Variants in NELL1 observed in about 807,000 individuals in gnomAD.
NELL1 encodes protein kinase C-binding protein NELL1.
In NELL1, 76 loss-of-function variants were observed where a neutral mutation model predicts 107.4. The observed-to-expected ratio is 0.71, with a 90% confidence interval of 0.59 to 0.86. The LOEUF (loss-of-function observed/expected upper bound fraction) is 0.86. Ranked by LOEUF, NELL1 falls within the 40% of genes least tolerant of loss-of-function variation. The probability of loss-of-function intolerance (pLI) is 0.00; values close to 1 mark genes in which losing one functional copy is unlikely to be tolerated. For synonymous variants in NELL1, 353 were observed against 341.2 expected (o/e 1.03, Z -0.38); for missense variants, 1,024 against 1,005.5 (o/e 1.02, Z -0.25).
chr11:21,109,477 C>CTCTTCT (rs1222395621), intron 12 of NELL1, among the ~76,000 whole-genome samples: 1 of 152,078 alleles, frequency 6.6e-6, no homozygotes, highest in Non-Finnish European at 1.5e-5. Context: ...CAGGCTTAGC[C>CTCTTCT]TCTTCTTGTC....
At chr11:21,273,505 C>G (rs1242945416) in intron 14 of NELL1, among the ~76,000 whole-genome samples, 2 of 152,124 alleles carry the variant, frequency 1.3e-5, no homozygotes, top group East Asian at 1.9e-4. Flanking sequence ...GAGAACTTCC[C>G]CAATCTAGCA....
At chr11:21,462,668 C>G (rs533954186) in intron 15 of NELL1, among the ~76,000 whole-genome samples, 3 of 152,122 alleles carry the variant, frequency 2.0e-5, no homozygotes, top group Admixed American at 2.0e-4. Flanking sequence ...TCTCTTTGAA[C>G]CCTTGTTCAT....
chr11:21,504,465 CTACT>C (rs1855230528), intron 15 of NELL1, among the ~76,000 whole-genome samples: 1 of 152,140 alleles, frequency 6.6e-6, no homozygotes. Context: ...TTACTCCCCT[CTACT>C]CACACAGCTT....
chr11:21,445,356 C>T (rs930670134), intron 15 of NELL1, among the ~76,000 whole-genome samples: 3 of 135,944 alleles, frequency 2.2e-5, no homozygotes, highest in African/African-American at 2.5e-5. Flanking sequence ...GATGGAATTT[C>T]GCTCTTGCTG....
chr11:20,775,464 T>C (rs1856732519), intron 2 of NELL1, among the ~76,000 whole-genome samples: 1 of 111,696 alleles, frequency 9.0e-6, no homozygotes, highest in South Asian at 3.7e-4. Context: ...TTAATCGTAT[T>C]ATAAAAATCT....
intron 4 of NELL1, among the ~76,000 whole-genome samples, chr11:20,857,047 G>C (rs1236575566): frequency 6.6e-6 from 1 of 152,168 alleles, no homozygotes; most frequent in Non-Finnish European, 1.5e-5. Flanking sequence ...CCATAACATG[G>C]GAAGGCTCAT....
chr11:21,239,358 C>G (rs983632212), intron 14 of NELL1, among the ~76,000 whole-genome samples: 3 of 152,010 alleles, frequency 2.0e-5, no homozygotes, highest in Non-Finnish European at 2.9e-5. Context: ...GATCGTCTCA[C>G]TATTTGTTGG....
intron 15 of NELL1, among the ~76,000 whole-genome samples, chr11:21,445,839 CTTG>C (rs1283747528): frequency 2.0e-5 from 3 of 152,194 alleles, no homozygotes; most frequent in South Asian, 2.1e-4. Flanking sequence ...ATAAAAGTGT[CTTG>C]TTGTTTTCTT....
At chr11:21,334,956 T>C (rs982821904) in intron 14 of NELL1, among the ~76,000 whole-genome samples, 1 of 151,966 alleles carries the variant, frequency 6.6e-6, no homozygotes, top group African/African-American at 2.4e-5. Context: ...TTGTTTTGGT[T>C]ATCCATTGTT....
intron 14 of NELL1, among the ~76,000 whole-genome samples, chr11:21,335,347 T>C (rs115058896): frequency 7.2e-4 from 110 of 152,182 alleles, no homozygotes; most frequent in African/African-American, 2.6e-3. Flanking sequence ...CTCTCTATTT[T>C]TCTCACTTTC....
At chr11:21,037,362 A>G (rs1425174221) in intron 12 of NELL1, among the ~76,000 whole-genome samples, 1 of 152,050 alleles carries the variant, frequency 6.6e-6, no homozygotes, top group African/African-American at 2.4e-5. Context: ...TTTTTTGGAA[A>G]TGGCTATCTC....
intron 12 of NELL1, among the ~76,000 whole-genome samples, chr11:21,078,993 C>T (rs923211266): frequency 2.0e-5 from 3 of 151,264 alleles, no homozygotes; most frequent in African/African-American, 7.3e-5. Context: ...AAAAACTATG[C>T]ATTTGTATTT....
intron 13 of NELL1, among the ~76,000 whole-genome samples, chr11:21,204,993 A>G (rs1210954254): frequency 6.6e-6 from 1 of 152,138 alleles, no homozygotes; most frequent in African/African-American, 2.4e-5. Context: ...GCTTCGTCCC[A>G]GAGGGGTACC....
chr11:21,004,666 A>G (rs1368747614), intron 12 of NELL1, among the ~76,000 whole-genome samples: 1 of 152,076 alleles, frequency 6.6e-6, no homozygotes, highest in African/African-American at 2.4e-5. Flanking sequence ...TAATGCTAAG[A>G]TACATTAATG....
chr11:21,048,132 AT>A (rs5790155), intron 12 of NELL1, among the ~76,000 whole-genome samples: 2 of 151,096 alleles, frequency 1.3e-5, no homozygotes, highest in African/African-American at 2.4e-5. Flanking sequence ...GGAAACATCC[AT>A]TTTTTTTTCC....
chr11:21,235,519 C>T (rs993039678), intron 14 of NELL1, among the ~76,000 whole-genome samples: 13 of 152,020 alleles, frequency 8.6e-5, no homozygotes, highest in East Asian at 3.9e-4. Context: ...ACTGATGGAG[C>T]GGGGAGGTAT....
At chr11:21,473,342 T>C (rs1854230726) in intron 15 of NELL1, among the ~76,000 whole-genome samples, 1 of 152,016 alleles carries the variant, frequency 6.6e-6, no homozygotes, top group Admixed American at 6.6e-5. Flanking sequence ...TTTTTTCATC[T>C]ATTTTCCCAA....
chr11:21,546,703 C>T (rs144624457), intron 16 of NELL1, among the ~76,000 whole-genome samples: 3 of 151,998 alleles, frequency 2.0e-5, no homozygotes, highest in Non-Finnish European at 2.9e-5. Flanking sequence ...GTCAATTAAA[C>T]CTCTTTTCTT....
At chr11:21,422,952 T>C (rs1852724112) in intron 15 of NELL1, among the ~76,000 whole-genome samples, 1 of 152,082 alleles carries the variant, frequency 6.6e-6, no homozygotes, top group South Asian at 2.1e-4. Context: ...AAGAGACTCA[T>C]TATAGATCCA....
Sources: allele counts gnomAD v4.1 joint callset (sites outside exome capture counted in the v4.1 genomes callset), GRCh38; gene constraint gnomAD v4.1.1; transcripts MANE v1.5; gene names NCBI Gene and HGNC (gene_info 2026-07-23, HGNC 2026-07-21).